TTC3: variants seen among roughly 807,000 people sequenced by gnomAD.
TTC3 encodes the protein E3 ubiquitin-protein ligase TTC3.
In TTC3, 180 loss-of-function variants were observed where a neutral mutation model predicts 249.6. That is an observed-to-expected ratio of 0.72 (90% CI 0.64 to 0.82). The LOEUF (loss-of-function observed/expected upper bound fraction) is 0.82. TTC3 is among the 40% of genes least tolerant of loss of function. The pLI is 0.00. For missense variants in TTC3, 2,061 were observed against 2,398.4 expected (o/e 0.86, Z 2.94); for synonymous variants, 717 against 805.0 (o/e 0.89, Z 1.85).
At chr21:37,162,436 A>G (rs1409882554) in intron 31 of TTC3, among the ~76,000 whole-genome samples, 2 of 152,168 alleles carry the variant, frequency 1.3e-5, no homozygotes, top group Middle Eastern at 3.2e-3. Flanking sequence ...CCTGTAAGAG[A>G]GGAAGCTGTT....
At chr21:37,169,684 T>TA (rs5843811) in intron 34 of TTC3, among the ~76,000 whole-genome samples, 151,078 of 151,134 alleles carry the variant, frequency 1, 75,511 homozygotes, top group Middle Eastern at 1. Flanking sequence ...CCATCTCTAC[T>TA]AAAATTAAAA....
chr21:37,087,965 A>G, intron 3 of TTC3, 90 bp downstream of exon 3: 2 of 1,060,536 alleles, frequency 1.9e-6, no homozygotes, highest in Non-Finnish European at 2.8e-6. Context: ...ACAGATTTAT[A>G]TGCCTTTTAA....
At chr21:37,160,943 G>T in intron 30 of TTC3, 85 bp downstream of exon 30, 1 of 1,326,462 alleles carries the variant, frequency 7.5e-7, no homozygotes. Flanking sequence ...AGCAATTCTT[G>T]GGATATTTTG....
At chr21:37,176,329 A>C (rs776753304) in intron 35 of TTC3, among the ~76,000 whole-genome samples, 61 of 152,234 alleles carry the variant, frequency 4.0e-4, no homozygotes, top group Non-Finnish European at 1.8e-4. Flanking sequence ...GAAAACTTTT[A>C]TCACCCCAAA....
chr21:37,156,911 G>T lies in TTC3; in HGVS notation c.2992+5G>T. 1 of 1,612,462 alleles carries T rather than the reference G, an allele frequency of 6.2e-7. No individual in the cohort carries two copies. Among genetic ancestry groups the T allele is most frequent in the Admixed American group, 1.7e-5 (1 of 59,942 alleles). On this transcript the variant is annotated splice_donor_5th_base_variant and intron_variant, in intron 28 of 45. Transcript: ENST00000355666. ...ATGAATTCTTTGATATAATGGGTAT[G>T]TGGACTGAGTTTAGACTTATATTAC...
intron 10 of TTC3, 98 bp from the exon 11 acceptor site, chr21:37,108,290 CTAGA>C: frequency 1.2e-6 from 1 of 813,572 alleles, no homozygotes; most frequent in South Asian, 2.6e-5. Context: ...TATCTTTTGA[CTAGA>C]TAATATACAT....
At chr21:37,083,448 T>G (rs2071982838) in intron 1 of TTC3, 6 of 970,982 alleles carry the variant, frequency 6.2e-6, no homozygotes, top group Non-Finnish European at 6.1e-6. Context: ...GGAGACTGCT[T>G]GTTAAATTAG....
intron 44 of TTC3, among the ~76,000 whole-genome samples, chr21:37,198,493 G>GA (rs1180027088): frequency 6.6e-6 from 1 of 152,204 alleles, no homozygotes; most frequent in Non-Finnish European, 1.5e-5. Flanking sequence ...GCCTGGAGAA[G>GA]AGGGTTCTGT....
rs2080124911 is a variant in TTC3 at position 37,156,716 on chromosome 21, T to C, written c.2802T>C (p.Phe934=). 2.5e-6 allele frequency: 4 copies of C among 1,614,138 alleles called. No homozygotes were observed. The Admixed American group carries it at 6.7e-5, about 27-fold the overall frequency. ...GAGCATCTCTTAAACTGCTTGATTT[T>C]AGTATCATGACTTTCCTCTGGAATG... is the stretch of plus-strand genomic sequence containing the variant. The change falls in exon 28 of 46, where the codon TTT becomes TTC. Residue 934 remains phenylalanine, a synonymous_variant. Transcript: ENST00000355666.
At chr21:37,165,718 T>C (rs1214828851) in exon 33 of TTC3, 3 of 1,613,716 alleles carry the variant, frequency 1.9e-6, no homozygotes, top group Non-Finnish European at 2.5e-6. Flanking sequence ...TTGACAACTG[T>C]ATTGCACTGA....
At chr21:37,117,645 G>C (rs936846694) in intron 11 of TTC3, among the ~76,000 whole-genome samples, 4 of 151,810 alleles carry the variant, frequency 2.6e-5, no homozygotes, top group African/African-American at 7.3e-5. Flanking sequence ...CAGCACTTTG[G>C]GAGGGCAGGA....
At chr21:37,144,758 C>T (rs764175) in intron 21 of TTC3, 113 bp downstream of exon 21, 631,236 of 1,300,016 alleles carry the variant, frequency 0.49, 155,260 homozygotes, top group African/African-American at 0.65. Context: ...CTCCCTTACA[C>T]GCATTTCCCC....
At chr21:37,086,366 G>A (rs998958007) in intron 1 of TTC3, 6 of 152,074 alleles carry the variant, frequency 3.9e-5, no homozygotes, top group African/African-American at 1.2e-4. Context: ...TAATAAAATG[G>A]TGCATTTTTC....
rs367772253 is a variant in TTC3 at position 37,165,618 on chromosome 21, A to G, written c.3404A>G (p.Tyr1135Cys). 125 of 1,614,036 alleles carry G rather than the reference A, an allele frequency of 7.7e-5. No individual in the cohort carries two copies. The highest frequency in any genetic ancestry group is 1.0e-4 in the Non-Finnish European group (121 of 1,180,032). ...AGTAACAAGATGTTCTCTGCAGAAT[A>G]TGAGTTTTTCCCAGAAGAAACTCGA... Residue 1135 changes from tyrosine (Y) to cysteine (C), a missense_variant, in exon 33 of 46, where the codon TAT (tyrosine) becomes TGT (cysteine). Coordinates refer to ENST00000355666, the Ensembl canonical transcript of TTC3.
rs768490745 is a variant in TTC3 at position 37,144,696 on chromosome 21, T to G, written c.1893+51T>G. ...TTCTTACTGTGAATGCTTATCTGCATTGACTGACTCAGGTATCAGGAGGCG... is the reference window on the plus strand; with the variant it reads ...TTCTTACTGTGAATGCTTATCTGCAGTGACTGACTCAGGTATCAGGAGGCG... On this transcript the variant is annotated intron_variant, in intron 21 of 45. Coordinates refer to ENST00000355666, the Ensembl canonical transcript of TTC3. 9 of 1,575,960 alleles carry G rather than the reference T, an allele frequency of 5.7e-6. No individual in the cohort carries two copies. In the East Asian group the frequency reaches 2.1e-4, roughly 36 times the overall value.
chr21:37,142,109 TAAA>T (rs772146802), intron 20 of TTC3, among the ~76,000 whole-genome samples: 10 of 152,150 alleles, frequency 6.6e-5, no homozygotes, highest in Non-Finnish European at 1.5e-4. Context: ...CTCAAAATAA[TAAA>T]AGCTATTTAT....
In TTC3 at chr21:37,156,532, AAAT is replaced by A. The variant is rs1601849274; in HGVS notation, c.2741-122_2741-120del. The A allele has an allele frequency of 1.6e-5, 20 of 1,217,862 alleles. No homozygotes were observed. The East Asian group carries it at 4.7e-4, about 29-fold the overall frequency. 75.4% of individuals were successfully genotyped at this position (1,217,862 alleles called of 1,614,324 possible). The stretch of plus-strand genomic sequence containing the variant: ...TGAACGAATCTGTTCTCAACTATTT[AAAT>A]GTTTTTGCTGAGAATATAAGCAAAC... On this transcript the variant is annotated intron_variant, in intron 27 of 45. Coordinates refer to ENST00000355666, the Ensembl canonical transcript of TTC3.
chr21:37,082,690 G>T, intron 1 of TTC3: 1 of 985,018 alleles, frequency 1.0e-6, no homozygotes, highest in Non-Finnish European at 1.2e-6. Context: ...ATTTCTATGA[G>T]CTCAGCAAAA....
intron 11 of TTC3, among the ~76,000 whole-genome samples, chr21:37,114,173 C>A (rs1366654860): frequency 1.3e-5 from 2 of 151,678 alleles, no homozygotes; most frequent in African/African-American, 4.8e-5. Context: ...GCAACAAAAG[C>A]CAAAATTGAC....
Sources: gnomAD v4.1 joint callset for allele counts (sites outside exome capture counted in the v4.1 genomes callset) on GRCh38, gnomAD v4.1.1 for gene constraint, MANE v1.5 for transcripts, NCBI Gene and HGNC (gene_info 2026-07-23, HGNC 2026-07-21) for gene names.